PIP5K1A: variants seen among roughly 807,000 people sequenced by gnomAD.
The protein encoded by PIP5K1A is phosphatidylinositol-4-phosphate 5-kinase type 1 alpha, also known as phosphatidylinositol 4-phosphate 5-kinase type-1 alpha.
In PIP5K1A, 46 loss-of-function variants were observed where a neutral mutation model predicts 72.9. The ratio of observed to expected loss-of-function variants is 0.63; its 90% CI spans 0.50 to 0.81. The LOEUF (loss-of-function observed/expected upper bound fraction) is 0.81. Among genes scored for constraint, PIP5K1A ranks in the 30% least tolerant of loss-of-function variants. PIP5K1A has a pLI of 0.00. For missense variants in PIP5K1A, 458 were observed against 706.1 expected (o/e 0.65, Z 3.98); for synonymous variants, 228 against 255.1 (o/e 0.89, Z 1.01).
intron 14 of PIP5K1A, among the ~76,000 whole-genome samples, 164 bp from the exon 15 acceptor site, chr1:151,246,756 A>G (rs1240251941): frequency 6.6e-6 from 1 of 152,214 alleles, no homozygotes; most frequent in Non-Finnish European, 1.5e-5. Flanking sequence ...GTTAATTAAA[A>G]CAGTGTGCTT....
upstream of PIP5K1A, chr1:151,198,072 G>GAGGCAAACAAA (rs777289015): frequency 3.4e-5 from 16 of 470,826 alleles, no homozygotes; most frequent in Non-Finnish European, 7.0e-5. Context: ...CTTTGTGCTT[G>GAGGCAAACAAA]AGGCAAACAA....
At position 151,248,159 on chromosome 1, in the gene PIP5K1A, A is replaced by G; in HGVS notation, c.*294A>G. On this transcript the variant is annotated 3_prime_UTR_variant, in exon 16 of 16. Coordinates refer to ENST00000368888, the MANE Select transcript of PIP5K1A (RefSeq NM_001135638.2). ...GCCAACCCTTTGCCTCCACTATTGA[A>G]TTTTTTTCAGACCCCCATTCTTCAT... 1 of 445,026 alleles carries G rather than the reference A, an allele frequency of 2.2e-6. No individual in the cohort carries two copies. The highest frequency in any genetic ancestry group is 4.0e-6 in the Non-Finnish European group (1 of 247,586). The allele number at this position is 445,026 out of a possible 1,614,324, so 27.6% of individuals were successfully genotyped here.
At chr1:151,247,654 G>C (rs1692702283) in intron 15 of PIP5K1A, among the ~76,000 whole-genome samples, 1 of 152,128 alleles carries the variant, frequency 6.6e-6, no homozygotes, top group Admixed American at 6.5e-5. Context: ...TCGATCTCCT[G>C]ACCTCGTGAT....
chr1:151,217,137 T>C (rs1220350057), intron 1 of PIP5K1A, among the ~76,000 whole-genome samples: 1 of 152,160 alleles, frequency 6.6e-6, no homozygotes, highest in Non-Finnish European at 1.5e-5. Context: ...GGTCTTGAAC[T>C]CTTGGCCTCA....
chr1:151,224,085 G>GACATAC, intron 1 of PIP5K1A, 160 bp from the exon 2 acceptor site: 1 of 687,494 alleles, frequency 1.5e-6, no homozygotes, highest in Non-Finnish European at 2.6e-6. Context: ...AGGAGAGAGG[G>GACATAC]ACATACACAG....
rs1426607248 is a variant in PIP5K1A at position 151,249,041 on chromosome 1, A to G, written c.*1176A>G. ...CAGGGAAGTTGGAAATGGGGGCTAC[A>G]TATGCCCTCTCCTCCCCGTCTACAA... is the stretch of plus-strand genomic sequence containing the variant. On this transcript the variant is annotated 3_prime_UTR_variant, in exon 16 of 16. Transcript: ENST00000368888. The G allele has an allele frequency of 6.6e-6, 1 of 152,172 alleles. No homozygotes were observed. The highest frequency in any genetic ancestry group is 1.5e-5 in the Non-Finnish European group (1 of 68,042). 9.4% of individuals were successfully genotyped at this position (152,172 alleles called of 1,614,324 possible).
rs1372326147 is a variant in PIP5K1A, at chr1:151,232,820, G to A, written c.639+117G>A. 4 of 906,956 alleles carry A rather than the reference G, an allele frequency of 4.4e-6. No individual in the cohort carries two copies. In the African/African-American group the frequency reaches 6.7e-5, roughly 15 times the overall value. The allele number at this position is 906,956 out of a possible 1,614,324, so 56.2% of individuals were successfully genotyped here. ...CTTCTATCTTAAGAGTGTAGTTCAGGCCAGGCACGGTGGCTCATGCCTGTA... is the reference window on the plus strand; with the variant it reads ...CTTCTATCTTAAGAGTGTAGTTCAGACCAGGCACGGTGGCTCATGCCTGTA... On this transcript the variant is annotated intron_variant, in intron 7 of 15. Coordinates refer to ENST00000368888, the MANE Select transcript of PIP5K1A (RefSeq NM_001135638.2).
Position 151,231,791 on chromosome 1 carries a change from T to G in PIP5K1A, c.358T>G (p.Phe120Val). Residue 120 changes from phenylalanine to valine, a missense_variant, in exon 5 of 16, where the codon TTC (phenylalanine) becomes GTC (valine). By Grantham distance (50) the Phe-to-Val change is conservative. This residue lies in a region of PIP5K1A where 220 missense variants were observed against 442.6 expected (regional missense o/e 0.50). Transcript: ENST00000368888. ...MQDFYVVESIFFPSEGSNLTP... is the reference protein window; with the variant it reads ...MQDFYVVESIVFPSEGSNLTP... ...AGATTTCTACGTGGTTGAGAGTATCTTCTTTCCCAGGTACAGAGTTTAATG... is the reference window on the plus strand; with the variant it reads ...AGATTTCTACGTGGTTGAGAGTATCGTCTTTCCCAGGTACAGAGTTTAATG... 1 of 1,613,956 alleles carries G rather than the reference T, an allele frequency of 6.2e-7. No individual in the cohort carries two copies. Among genetic ancestry groups the G allele is most frequent in the Non-Finnish European group, 8.5e-7 (1 of 1,179,870 alleles).
chr1:151,243,311 G>A (rs587695578), intron 14 of PIP5K1A, among the ~76,000 whole-genome samples: 1 of 152,120 alleles, frequency 6.6e-6, no homozygotes. Flanking sequence ...AATTAGGTCC[G>A]GTTGGATGAG....
intron 4 of PIP5K1A, 92 bp from the exon 5 acceptor site, chr1:151,231,579 A>G: frequency 1.8e-6 from 2 of 1,128,504 alleles, no homozygotes; most frequent in Non-Finnish European, 2.7e-6. Context: ...TGTTTGTTTT[A>G]AAGTGTTCCT....
chr1:151,220,485 T>A (rs940483516), intron 1 of PIP5K1A, among the ~76,000 whole-genome samples: 2 of 151,886 alleles, frequency 1.3e-5, no homozygotes, highest in African/African-American at 4.8e-5. Flanking sequence ...TTTTTTTTTT[T>A]AAGACAGGAT....
At position 151,232,704 on chromosome 1, in the gene PIP5K1A, G is replaced by C; in HGVS notation, c.639+1G>C. 1.2e-6 allele frequency: 2 copies of C among 1,613,208 alleles called. No homozygotes were observed. Among genetic ancestry groups the C allele is most frequent in the Non-Finnish European group, 1.7e-6 (2 of 1,179,556 alleles). Reference sequence around the variant, plus strand: ...GAAGCTGCTTCCAGGATACTACATGGTAAGGGAGAGAGAAGCACTGTCCAC... The same window carrying C: ...GAAGCTGCTTCCAGGATACTACATGCTAAGGGAGAGAGAAGCACTGTCCAC... On this transcript the variant is annotated splice_donor_variant, in intron 7 of 15. Transcript: ENST00000368888. LOFTEE classifies it high-confidence loss of function.
At chr1:151,223,077 G>T (rs139362157) in intron 1 of PIP5K1A, among the ~76,000 whole-genome samples, 1 of 151,890 alleles carries the variant, frequency 6.6e-6, no homozygotes, top group Non-Finnish European at 1.5e-5. Context: ...TTAGCCAGGC[G>T]CAGTGGCTCA....
At position 151,220,423 on chromosome 1, in the gene PIP5K1A, T is replaced by C. The variant is rs142233935; in HGVS notation, c.86-3822T>C. Among the ~76,000 whole-genome samples the C allele has an allele frequency of 8.9e-3, 1,360 of 152,264 alleles. 12 individuals are homozygous for C. Among genetic ancestry groups the C allele is most frequent in the African/African-American group, 0.017 (710 of 41,568 alleles). On this transcript the variant is annotated intron_variant, in intron 1 of 15. Transcript: ENST00000368888. ...TACATTATAAAATTCCTCAGATGCA[T>C]GTGAAGTAGAGAGAATAGTATAATG...
chr1:151,225,379 T>G (rs1374279631), intron 3 of PIP5K1A, among the ~76,000 whole-genome samples: 1 of 152,140 alleles, frequency 6.6e-6, no homozygotes, highest in Non-Finnish European at 1.5e-5. Context: ...TGAGTATTGA[T>G]GTTATGAAGA....
At chr1:151,218,121 A>G (rs1454897032) in intron 1 of PIP5K1A, among the ~76,000 whole-genome samples, 1 of 152,090 alleles carries the variant, frequency 6.6e-6, no homozygotes, top group African/African-American at 2.4e-5. Context: ...ACAAAAAGGT[A>G]TTTTCTATGC....
intron 1 of PIP5K1A, among the ~76,000 whole-genome samples, chr1:151,217,958 T>C (rs1285566772): frequency 6.6e-6 from 1 of 152,096 alleles, no homozygotes; most frequent in Non-Finnish European, 1.5e-5. Flanking sequence ...TTTGTATTTA[T>C]AGAGATGAGG....
At chr1:151,243,044 T>G (rs746166138) in intron 14 of PIP5K1A, among the ~76,000 whole-genome samples, 1 of 152,182 alleles carries the variant, frequency 6.6e-6, no homozygotes, top group Non-Finnish European at 1.5e-5. Flanking sequence ...TCTTATAACT[T>G]AATCTCAGAA....
intron 10 of PIP5K1A, chr1:151,238,476 G>T (rs1458740206): frequency 5.6e-6 from 3 of 533,274 alleles, no homozygotes; most frequent in Non-Finnish European, 1.0e-5. Flanking sequence ...CATCTCCCCA[G>T]ACATAATGTA....
Sources: gnomAD v4.1 joint callset for allele counts (sites outside exome capture counted in the v4.1 genomes callset) on GRCh38, gnomAD v4.1.1 for gene constraint, gnomAD v4.1.1 regional missense constraint, MANE v1.5 for transcripts, NCBI Gene and HGNC (gene_info 2026-07-23, HGNC 2026-07-21) for gene names.